The following FBXO25 variants were observed in gnomAD, a reference collection of about 807,000 sequenced individuals.
FBXO25 encodes F-box protein 25, also known as F-box only protein 25.
A neutral mutation model predicts 51.9 loss-of-function variants in FBXO25; 45 were observed. The ratio of observed to expected loss-of-function variants is 0.87; its 90% CI spans 0.68 to 1.11. The LOEUF is 1.11. FBXO25 is among the 50% of genes most tolerant of loss of function. The pLI is 0.00. For synonymous variants in FBXO25, 199 were observed against 151.0 expected (o/e 1.32, Z -2.33); for missense variants, 507 against 428.5 (o/e 1.18, Z -1.62).
At chr8:421,881 G>A (rs1463610210) in intron 2 of FBXO25, among the ~76,000 whole-genome samples, 3 of 152,138 alleles carry the variant, frequency 2.0e-5, no homozygotes, top group Non-Finnish European at 4.4e-5. Flanking sequence ...AGCAGTTTGA[G>A]CCACAGGATA....
At position 458,443 on chromosome 8, in the gene FBXO25, C is replaced by T. The variant is rs111775812; in HGVS notation, c.735C>T (p.Asp245=). 83 of 1,614,198 alleles carry T rather than the reference C, an allele frequency of 5.1e-5. No homozygotes were observed. Among genetic ancestry groups the T allele is most frequent in the South Asian group, 3.3e-4 (30 of 91,080 alleles). The change falls in exon 8 of 10, where the codon GAC becomes GAT. Residue 245 remains aspartate, a synonymous_variant. Coordinates refer to ENST00000350302, the MANE Select transcript of FBXO25 (RefSeq NM_183420.2). ...MLNNILYRFS[D]GWDIITLGQV... is the part of the protein sequence containing the mutation. Reference sequence around the variant, plus strand: ...ACAACATCCTATACCGGTTCTCAGACGGATGGGACATCATCACCTTAGGCC... The same window carrying T: ...ACAACATCCTATACCGGTTCTCAGATGGATGGGACATCATCACCTTAGGCC...
At chr8:467,888 C>G (rs1304390870) in intron 9 of FBXO25, 5 of 1,526,808 alleles carry the variant, frequency 3.3e-6, no homozygotes, top group South Asian at 1.3e-5. Context: ...CTGAGCAGGG[C>G]TGAGTGGCCA....
chr8:450,521 A>G lies in FBXO25; in HGVS notation c.475+438A>G, dbSNP rs564730217. On this transcript the variant is annotated intron_variant, in intron 6 of 9. Coordinates refer to ENST00000350302, the MANE Select transcript of FBXO25 (RefSeq NM_183420.2). Reference sequence around the variant, plus strand: ...ATGGAACTTTAAATTTCACACCATGACTTTATACATGCATAGGAATATATG... The same window carrying G: ...ATGGAACTTTAAATTTCACACCATGGCTTTATACATGCATAGGAATATATG... Among the ~76,000 whole-genome samples, 7 of 152,316 alleles carry G rather than the reference A, an allele frequency of 4.6e-5. No individual in the cohort carries two copies. The South Asian group carries it at 1.5e-3, about 32-fold the overall frequency.
At chr8:458,650 G>A (rs1050533044) in intron 8 of FBXO25, 99 bp downstream of exon 8, 16 of 1,151,420 alleles carry the variant, frequency 1.4e-5, no homozygotes, top group East Asian at 1.2e-4. Flanking sequence ...GAATGGCTGA[G>A]TATTTTCTAC....
intron 9 of FBXO25, among the ~76,000 whole-genome samples, chr8:463,864 A>G (rs994972252): frequency 6.6e-6 from 1 of 151,888 alleles, no homozygotes; most frequent in African/African-American, 2.4e-5. Flanking sequence ...CCCAGGCTGG[A>G]GTGCAGTGGC....
intron 1 of FBXO25, among the ~76,000 whole-genome samples, chr8:407,901 T>G (rs1796261392): frequency 6.6e-6 from 1 of 152,224 alleles, no homozygotes; most frequent in Admixed American, 6.5e-5. Flanking sequence ...CCTCTGTCCT[T>G]GGGCCTATTC....
At position 475,245 on chromosome 8, in the gene FBXO25, G is replaced by C. The variant is rs914490213; in HGVS notation, c.*6441G>C. On this transcript the variant is annotated 3_prime_UTR_variant, in exon 10 of 10. Coordinates refer to ENST00000350302, the MANE Select transcript of FBXO25 (RefSeq NM_183420.2). ...GTCTTGGCACCATCAAAAATCATTT[G>C]ACCCATATGTGCAAGGGTTTATTTG... is the stretch of plus-strand genomic sequence containing the variant. 10 of 269,786 alleles carry C rather than the reference G, an allele frequency of 3.7e-5. No individual in the cohort carries two copies. The highest frequency in any genetic ancestry group is 6.4e-5 in the Non-Finnish European group (9 of 140,754). The allele number at this position is 269,786 out of a possible 1,614,324, so 16.7% of individuals were successfully genotyped here. A position where few individuals can be genotyped will look rare whatever the true frequency, so the allele number is the denominator to read the frequency against.
intron 3 of FBXO25, 59 bp from the exon 4 acceptor site, chr8:432,827 A>C: frequency 6.8e-7 from 1 of 1,471,974 alleles, no homozygotes; most frequent in Non-Finnish European, 9.1e-7. Context: ...AATTCCTTTA[A>C]AATCTTCATT....
Position 476,929 on chromosome 8 carries a change from A to C in FBXO25, c.*8125A>C, listed in dbSNP as rs1800663431. On this transcript the variant is annotated 3_prime_UTR_variant, in exon 10 of 10. Transcript: ENST00000350302. ...AGATCTTAATTTGTTTAATAGGTGTATTTACAGTTACAAATTTCCCTCCTA... is the reference window on the plus strand; with the variant it reads ...AGATCTTAATTTGTTTAATAGGTGTCTTTACAGTTACAAATTTCCCTCCTA... 6.6e-6 allele frequency: 1 copy of C among 152,052 alleles called. No individual in the cohort carries two copies. Among genetic ancestry groups the C allele is most frequent in the Non-Finnish European group, 1.5e-5 (1 of 68,016 alleles). The allele number at this position is 152,052 out of a possible 1,614,324, so 9.4% of individuals were successfully genotyped here.
rs763402699 is a variant in FBXO25, at chr8:450,052, C to T, written c.444C>T (p.Tyr148=). 2.5e-6 allele frequency: 4 copies of T among 1,613,210 alleles called. No individual in the cohort carries two copies. The South Asian group carries it at 4.4e-5, about 18-fold the overall frequency. The change falls in exon 6 of 10, where the codon TAC becomes TAT. Residue 148 remains tyrosine, a synonymous_variant. Coordinates refer to ENST00000350302, the MANE Select transcript of FBXO25 (RefSeq NM_183420.2). ...TSLSGVAQKN[Y]FNILDKIVQK... is the part of the protein sequence containing the mutation. ...TGAGTGGCGTGGCACAGAAGAATTACTTCAACATTTTGGATAAAATCGTTC... is the reference window on the plus strand; with the variant it reads ...TGAGTGGCGTGGCACAGAAGAATTATTTCAACATTTTGGATAAAATCGTTC...
At chr8:413,799 T>C (rs1796632950) in intron 2 of FBXO25, among the ~76,000 whole-genome samples, 2 of 152,220 alleles carry the variant, frequency 1.3e-5, no homozygotes, top group African/African-American at 4.8e-5. Flanking sequence ...TGCATCACGT[T>C]GCCCACACCT....
At position 455,784 on chromosome 8, in the gene FBXO25, A is replaced by G. The variant is rs542629536; in HGVS notation, c.661-2585A>G. Among the ~76,000 whole-genome samples the G allele has an allele frequency of 1.6e-4, 25 of 152,352 alleles. 1 individual carries two copies. In the South Asian group the frequency reaches 5.2e-3, roughly 32 times the overall value. ...GATGGCAGAGAGCATGTAGCTAATCAGTGGAGGAAGTGCAGCAAAAAACGC... is the reference window on the plus strand; with the variant it reads ...GATGGCAGAGAGCATGTAGCTAATCGGTGGAGGAAGTGCAGCAAAAAACGC... On this transcript the variant is annotated intron_variant, in intron 7 of 9. Coordinates refer to ENST00000350302, the MANE Select transcript of FBXO25 (RefSeq NM_183420.2).
At chr8:460,728 A>G (rs545257933) in intron 8 of FBXO25, among the ~76,000 whole-genome samples, 2 of 152,378 alleles carry the variant, frequency 1.3e-5, no homozygotes, top group South Asian at 2.1e-4. Flanking sequence ...ATGAGACAAC[A>G]AACGGTTGTT....
chr8:434,564 A>G (rs1797993547), intron 4 of FBXO25, among the ~76,000 whole-genome samples: 2 of 152,282 alleles, frequency 1.3e-5, no homozygotes, highest in South Asian at 4.2e-4. Context: ...TGAGCCTCTG[A>G]GTGTATCGGC....
intron 9 of FBXO25, among the ~76,000 whole-genome samples, chr8:465,951 A>G (rs1800130371): frequency 6.6e-6 from 1 of 152,206 alleles, no homozygotes; most frequent in African/African-American, 2.4e-5. Context: ...ACTTGATCAT[A>G]TCATGGAAAT....
chr8:434,065 T>C (rs1326447212), intron 4 of FBXO25, among the ~76,000 whole-genome samples: 1 of 152,192 alleles, frequency 6.6e-6, no homozygotes, highest in Admixed American at 6.5e-5. Flanking sequence ...AGGATCTTCT[T>C]GTGAGGCTGT....
At chr8:432,226 AG>A (rs1382211607) in intron 3 of FBXO25, among the ~76,000 whole-genome samples, 2 of 152,274 alleles carry the variant, frequency 1.3e-5, no homozygotes, top group East Asian at 1.9e-4. Context: ...TGAGTGACCA[AG>A]GGGCGGGTAG....
At chr8:423,861 A>G (rs1797306761) in intron 2 of FBXO25, among the ~76,000 whole-genome samples, 1 of 152,186 alleles carries the variant, frequency 6.6e-6, no homozygotes, top group South Asian at 2.1e-4. Flanking sequence ...TCTTTGAGAA[A>G]TCTCTAGACC....
intron 1 of FBXO25, among the ~76,000 whole-genome samples, chr8:409,043 C>T (rs546520133): frequency 8.5e-4 from 130 of 152,282 alleles, no homozygotes; most frequent in African/African-American, 2.4e-3. Context: ...CATTGAAAGC[C>T]GTGGGTCATC....
Sources: allele counts gnomAD v4.1 joint callset (sites outside exome capture counted in the v4.1 genomes callset), GRCh38; gene constraint gnomAD v4.1.1; transcripts MANE v1.5; gene names NCBI Gene and HGNC (gene_info 2026-07-23, HGNC 2026-07-21).